Variants in GRID2 observed in about 807,000 individuals in gnomAD.
The protein encoded by GRID2 is glutamate ionotropic receptor delta type subunit 2.
A neutral mutation model predicts 114.8 loss-of-function variants in GRID2; 33 were observed. That is an observed-to-expected ratio of 0.29 (90% CI 0.22 to 0.38). The LOEUF is 0.38. Among genes scored for constraint, GRID2 ranks in the 10% least tolerant of loss-of-function variants. The pLI is 1.00. For synonymous variants in GRID2, 505 were observed against 449.9 expected, an observed-to-expected ratio of 1.12 and a Z score of -1.55; for missense variants, 1,184 against 1,257.7, an observed-to-expected ratio of 0.94 and a Z score of 0.89.
At chr4:93,096,033 T>G (rs953007668) in intron 3 of GRID2, among the ~76,000 whole-genome samples, 2 of 152,000 alleles carry the variant, frequency 1.3e-5, no homozygotes, top group African/African-American at 2.4e-5. Flanking sequence ...AATAGATTCA[T>G]GGGACATAAT....
At chr4:92,346,450 G>C (rs1377670412) in intron 1 of GRID2, among the ~76,000 whole-genome samples, 2 of 151,964 alleles carry the variant, frequency 1.3e-5, no homozygotes, top group African/African-American at 4.8e-5. Context: ...CTGCAGCCTT[G>C]ACCTGCCAGG....
At chr4:92,471,265 C>A (rs1722019943) in intron 1 of GRID2, among the ~76,000 whole-genome samples, 1 of 151,970 alleles carries the variant, frequency 6.6e-6, no homozygotes, top group Admixed American at 6.6e-5. Flanking sequence ...TTCTATTGGG[C>A]ATCCTTCAAT....
intron 14 of GRID2, among the ~76,000 whole-genome samples, chr4:93,694,351 A>T (rs1281666427): frequency 2.0e-5 from 3 of 152,128 alleles, no homozygotes. Context: ...TCAAGGTCTC[A>T]TTTAGCCTTA....
At position 93,455,969 on chromosome 4, in the gene GRID2, A is replaced by G; in HGVS notation, c.1853A>G (p.Gln618Arg). The part of the protein sequence containing the change: ...SMWFVYGSFV[Q>R]QGGEVPYTTL... ...TGGTTTGTGTATGGATCTTTTGTACAACAAGGTAAGGAGCAAAAGTACATT... is the reference window on the plus strand; with the variant it reads ...TGGTTTGTGTATGGATCTTTTGTACGACAAGGTAAGGAGCAAAAGTACATT... Residue 618 changes from glutamine to arginine, a missense_variant, in exon 11 of 16, where the codon CAA (glutamine) becomes CGA (arginine). Gln to Arg is a conservative substitution (Grantham distance 43, BLOSUM62 1). This residue lies in a region of GRID2 where 717 missense variants were observed against 796.9 expected (regional missense o/e 0.90). Transcript: ENST00000282020. 1.9e-6 allele frequency: 3 copies of G among 1,577,416 alleles called. No individual in the cohort carries two copies. Among genetic ancestry groups the G allele is most frequent in the Non-Finnish European group, 2.6e-6 (3 of 1,146,578 alleles).
At chr4:92,621,006 AAAAAAGAATTTTAACCCAGGCATT>A (rs1347168842) in intron 2 of GRID2, among the ~76,000 whole-genome samples, 32 of 151,636 alleles carry the variant, frequency 2.1e-4, no homozygotes, top group African/African-American at 7.2e-4. Context: ...AAAAAAAAAA[AAAAAAGAATTTTAACCCAGGCATT>A]CTCAGATCAG....
At chr4:93,358,983 A>G (rs1306864138) in intron 8 of GRID2, among the ~76,000 whole-genome samples, 1 of 152,038 alleles carries the variant, frequency 6.6e-6, no homozygotes, top group Non-Finnish European at 1.5e-5. Context: ...AAGTAACACC[A>G]TTTATTATTT....
chr4:92,646,589 C>T (rs912683484), intron 2 of GRID2, among the ~76,000 whole-genome samples: 4 of 152,304 alleles, frequency 2.6e-5, no homozygotes, highest in African/African-American at 4.8e-5. Flanking sequence ...ATAACCCATC[C>T]GGAATTATTT....
chr4:93,014,806 A>T (rs912492519), intron 2 of GRID2, among the ~76,000 whole-genome samples: 3 of 152,168 alleles, frequency 2.0e-5, no homozygotes, highest in Non-Finnish European at 4.4e-5. Flanking sequence ...AATAGTGTCT[A>T]CATCATTATC....
intron 11 of GRID2, among the ~76,000 whole-genome samples, chr4:93,474,840 T>C (rs548851468): frequency 1.3e-5 from 2 of 152,208 alleles, no homozygotes; most frequent in African/African-American, 4.8e-5. Flanking sequence ...CATAAGCCTG[T>C]TGTGAAGATT....
chr4:92,841,672 C>T (rs1482637355), intron 2 of GRID2, among the ~76,000 whole-genome samples: 3 of 152,000 alleles, frequency 2.0e-5, no homozygotes, highest in Admixed American at 1.3e-4. Flanking sequence ...GCAATGTAGG[C>T]CAAGTGAAGC....
At chr4:92,440,067 G>A (rs1262394512) in intron 1 of GRID2, among the ~76,000 whole-genome samples, 2 of 146,284 alleles carry the variant, frequency 1.4e-5, no homozygotes, top group Admixed American at 6.8e-5. Flanking sequence ...TAAATGGGCT[G>A]TACCCTGTAG....
At position 92,834,157 on chromosome 4, in the gene GRID2, A is replaced by G. The variant is rs534329742; in HGVS notation, c.244+243871A>G. On this transcript the variant is annotated intron_variant, in intron 2 of 15. Transcript: ENST00000282020. ...CCTGAACCTTTATATTTATATTGCA[A>G]TGTAAGAAACAAATGCTAGTACTGT... 2.6e-5 allele frequency among the ~76,000 whole-genome samples: 4 copies of G among 152,262 alleles called. No individual in the cohort carries two copies. The South Asian group carries it at 8.3e-4, about 32-fold the overall frequency.
At chr4:92,460,827 A>T (rs1345609032) in intron 1 of GRID2, among the ~76,000 whole-genome samples, 1 of 152,024 alleles carries the variant, frequency 6.6e-6, no homozygotes, top group Non-Finnish European at 1.5e-5. Context: ...CAAAAGACAT[A>T]TAATATTTAA....
intron 2 of GRID2, among the ~76,000 whole-genome samples, chr4:92,801,628 G>A (rs1454029293): frequency 6.6e-6 from 1 of 151,558 alleles, no homozygotes; most frequent in Admixed American, 6.6e-5. Flanking sequence ...ATCTTTACAT[G>A]CGAATACTTA....
intron 1 of GRID2, among the ~76,000 whole-genome samples, chr4:92,385,328 G>A (rs973980995): frequency 2.0e-5 from 3 of 151,562 alleles, no homozygotes; most frequent in Non-Finnish European, 4.4e-5. Flanking sequence ...GTGTTTTGTT[G>A]TTAGTATTAT....
chr4:93,404,246 A>G (rs894438598), intron 9 of GRID2, among the ~76,000 whole-genome samples: 4 of 152,150 alleles, frequency 2.6e-5, no homozygotes, highest in African/African-American at 9.6e-5. Flanking sequence ...GGAGATTGGC[A>G]GATGACAGCT....
intron 8 of GRID2, among the ~76,000 whole-genome samples, chr4:93,390,271 A>G (rs1209198584): frequency 1.3e-5 from 2 of 152,324 alleles, no homozygotes; most frequent in East Asian, 1.9e-4. Flanking sequence ...AAAATATTCT[A>G]ATAGTCAACA....
At chr4:93,474,538 A>T (rs1432906809) in intron 11 of GRID2, among the ~76,000 whole-genome samples, 1 of 152,112 alleles carries the variant, frequency 6.6e-6, no homozygotes, top group African/African-American at 2.4e-5. Flanking sequence ...CCTGCCCTAA[A>T]TTTTTAGTGT....
chr4:93,201,726 C>T (rs1389298437), intron 4 of GRID2, among the ~76,000 whole-genome samples: 1 of 152,190 alleles, frequency 6.6e-6, no homozygotes, highest in Non-Finnish European at 1.5e-5. Flanking sequence ...TAGTGAGAAA[C>T]AAGCTCGGGC....
Sources: allele counts gnomAD v4.1 joint callset (sites outside exome capture counted in the v4.1 genomes callset), GRCh38; gene constraint gnomAD v4.1.1; regional missense constraint gnomAD v4.1.1; transcripts MANE v1.5; gene names NCBI Gene and HGNC (gene_info 2026-07-23, HGNC 2026-07-21).